TRPM3: variants seen among roughly 807,000 people sequenced by gnomAD.
TRPM3 encodes the protein long transient receptor potential channel 3.
TRPM3 carries 77 observed loss-of-function variants against 181.2 expected under a neutral mutation model. The ratio of observed to expected loss-of-function variants is 0.42; its 90% confidence interval spans 0.35 to 0.51. TRPM3 has a LOEUF of 0.51. TRPM3 is among the 20% of genes least tolerant of loss of function. The pLI is 0.01. For synonymous variants in TRPM3, 745 were observed against 796.4 expected, an observed-to-expected ratio of 0.94 and a Z score of 1.09; for missense variants, 1,759 against 2,196.7, an observed-to-expected ratio of 0.80 and a Z score of 3.98.
At position 70,634,117 on chromosome 9, in the gene TRPM3, A is replaced by G. The variant is rs188386326; in HGVS notation, c.1632+1094T>C. Among the ~76,000 whole-genome samples, 1,104 of 152,282 alleles carry G rather than the reference A, an allele frequency of 7.2e-3. 8 individuals are homozygous for G. The highest frequency in any genetic ancestry group is 0.012 in the Non-Finnish European group (819 of 68,024). ...AATAAAACTGTATTATAATAATAAAATAATAATTTTTTGATGGAATCTCAC... is the reference window on the plus strand; with the variant it reads ...AATAAAACTGTATTATAATAATAAAGTAATAATTTTTTGATGGAATCTCAC... On this transcript the variant is annotated intron_variant, in intron 12 of 25. Coordinates refer to ENST00000677713, the MANE Select transcript of TRPM3 (RefSeq NM_001366145.2).
At chr9:71,292,709 T>C (rs11142786) in intron 1 of TRPM3, among the ~76,000 whole-genome samples, 34,055 of 151,692 alleles carry the variant, frequency 0.22, 4,433 homozygotes, top group African/African-American at 0.37. Flanking sequence ...GCAAGTTCTA[T>C]GAACCTTCAA....
intron 1 of TRPM3, among the ~76,000 whole-genome samples, chr9:71,409,699 C>G (rs1019715418): frequency 6.6e-6 from 1 of 152,094 alleles, no homozygotes; most frequent in Non-Finnish European, 1.5e-5. Flanking sequence ...AACAGATCAA[C>G]GAGACAGAAG....
chr9:70,966,188 A>G (rs2097183891), intron 1 of TRPM3, among the ~76,000 whole-genome samples: 1 of 152,118 alleles, frequency 6.6e-6, no homozygotes, highest in African/African-American at 2.4e-5. Flanking sequence ...CAAAACCACA[A>G]TGAGATACCA....
intron 22 of TRPM3, among the ~76,000 whole-genome samples, chr9:70,588,312 A>C (rs2057498839): frequency 6.6e-6 from 1 of 152,170 alleles, no homozygotes; most frequent in African/African-American, 2.4e-5. Flanking sequence ...ATTGCCTCCC[A>C]GAAGTGAGGG....
intron 1 of TRPM3, among the ~76,000 whole-genome samples, chr9:71,021,574 C>T (rs1291235079): frequency 6.6e-6 from 1 of 152,158 alleles, no homozygotes; most frequent in Non-Finnish European, 1.5e-5. Context: ...CTAGTAATGT[C>T]TATTGACCTT....
intron 1 of TRPM3, among the ~76,000 whole-genome samples, chr9:70,936,514 C>A (rs2096829915): frequency 6.6e-6 from 1 of 152,152 alleles, no homozygotes. Flanking sequence ...GGCAGAAGAG[C>A]AATCGATTTA....
In TRPM3 at chr9:70,536,280, C is replaced by T. The variant is rs566635664; in HGVS notation, c.4833G>A (p.Glu1611=). 2 of 1,614,202 alleles carry T rather than the reference C, an allele frequency of 1.2e-6. No individual in the cohort carries two copies. Among genetic ancestry groups the T allele is most frequent in the African/African-American group, 1.3e-5 (1 of 75,062 alleles). Residue 1611 remains glutamate, a synonymous_variant, in exon 26 of 26, where the codon GAG becomes GAA. Coordinates refer to ENST00000677713, the MANE Select transcript of TRPM3 (RefSeq NM_001366145.2). The stretch of plus-strand genomic sequence containing the variant: ...TGGCTCTGCGGCCTTTGGCCTCATT[C>T]TCCTCACTGTCAGAGCTGGGGTGAC... ...ELSHPSSDSE[E]NEAKGRRATI... is the part of the protein sequence containing the mutation.
At chr9:71,312,594 C>G (rs1328766186) in intron 1 of TRPM3, among the ~76,000 whole-genome samples, 3 of 152,110 alleles carry the variant, frequency 2.0e-5, no homozygotes. Context: ...AAGAAACACC[C>G]TGCACATGGA....
intron 1 of TRPM3, among the ~76,000 whole-genome samples, chr9:70,937,772 G>A (rs1327045001): frequency 6.6e-6 from 1 of 151,040 alleles, no homozygotes; most frequent in Non-Finnish European, 1.5e-5. Flanking sequence ...CCTGGGGCCA[G>A]AGAGCTCTAG....
intron 19 of TRPM3, among the ~76,000 whole-genome samples, chr9:70,607,543 C>G (rs2061373124): frequency 6.6e-6 from 1 of 152,174 alleles, no homozygotes; most frequent in South Asian, 2.1e-4. Flanking sequence ...CCACCACCCC[C>G]CGCCAAAGAG....
At chr9:71,071,087 G>C (rs142643384) in intron 1 of TRPM3, among the ~76,000 whole-genome samples, 1 of 152,230 alleles carries the variant, frequency 6.6e-6, no homozygotes, top group African/African-American at 2.4e-5. Context: ...AGTCTTCAGG[G>C]GTGATGAGTC....
At chr9:71,008,546 A>G (rs903848995) in intron 1 of TRPM3, among the ~76,000 whole-genome samples, 1 of 152,152 alleles carries the variant, frequency 6.6e-6, no homozygotes, top group African/African-American at 2.4e-5. Flanking sequence ...AACAACACAT[A>G]AAAAGATCAT....
In TRPM3 at chr9:70,644,411, A is replaced by C. The variant is rs117084141; in HGVS notation, c.1346-3751T>G. ...ATCTGCTGGCCCGGCTGCCCTCCTG[A>C]AATGAGGGCTGAATATGGAGTCATT... On this transcript the variant is annotated intron_variant, in intron 9 of 25. Coordinates refer to ENST00000677713, the MANE Select transcript of TRPM3 (RefSeq NM_001366145.2). Among the ~76,000 whole-genome samples, 578 of 152,290 alleles carry C rather than the reference A, an allele frequency of 3.8e-3. 1 individual carries two copies. The highest frequency in any genetic ancestry group is 6.1e-3 in the Non-Finnish European group (413 of 68,014).
Position 70,535,907 on chromosome 9 carries a change from T to A in TRPM3, c.*46A>T, listed in dbSNP as rs766177145. 2.0e-6 allele frequency: 3 copies of A among 1,531,328 alleles called. No individual in the cohort carries two copies. Among genetic ancestry groups the A allele is most frequent in the South Asian group, 2.6e-5 (2 of 76,364 alleles). 94.9% of individuals were successfully genotyped at this position (1,531,328 alleles called of 1,614,324 possible). On this transcript the variant is annotated 3_prime_UTR_variant, in exon 26 of 26. Coordinates refer to ENST00000677713, the MANE Select transcript of TRPM3 (RefSeq NM_001366145.2). ...GGGAAAAACTGGAGTTGGAGAGAAT[T>A]TTAGGGCTGGATTCTTGAGCCTTCT... is the stretch of plus-strand genomic sequence containing the variant.
At chr9:71,204,001 C>T (rs1005455388) in intron 1 of TRPM3, among the ~76,000 whole-genome samples, 1 of 152,012 alleles carries the variant, frequency 6.6e-6, no homozygotes, top group Admixed American at 6.6e-5. Flanking sequence ...GGAAAACTGG[C>T]TAGCCATATG....
chr9:71,152,086 T>G (rs1263654559), intron 1 of TRPM3, among the ~76,000 whole-genome samples: 1 of 152,174 alleles, frequency 6.6e-6, no homozygotes, highest in Non-Finnish European at 1.5e-5. Context: ...TCTGGACATA[T>G]GTTATAAATA....
chr9:71,032,072 TTATATTATATATATATA>T lies in TRPM3; in HGVS notation c.177+89089_177+89105del, dbSNP rs1565024440. On this transcript the variant is annotated intron_variant, in intron 1 of 25. Transcript: ENST00000677713. ...TATTATATATATTATATATATTATA[TTATATTATATATATATA>T]ATTATATAATATTATATATATTATA... 1.1e-3 allele frequency among the ~76,000 whole-genome samples: 11 copies of T among 9,766 alleles called. 2 individuals carry two copies. The highest frequency in any genetic ancestry group is 5.5e-3 in the Admixed American group (2 of 362). 6.4% of individuals were successfully genotyped at this position (9,766 alleles called of 152,430 possible). A position where few individuals can be genotyped will look rare whatever the true frequency, so the allele number is the denominator to read the frequency against.
chr9:70,949,207 CT>C (rs112588417), intron 1 of TRPM3, among the ~76,000 whole-genome samples: 66,814 of 150,224 alleles, frequency 0.44, 14,950 homozygotes, highest in Admixed American at 0.48. Context: ...GAACAGTAGT[CT>C]TTTTTTTTTA....
intron 1 of TRPM3, among the ~76,000 whole-genome samples, chr9:71,319,102 T>C (rs1474740376): frequency 6.6e-6 from 1 of 152,158 alleles, no homozygotes; most frequent in Non-Finnish European, 1.5e-5. Context: ...AATTATTTTA[T>C]TCATATAAGG....
Sources: allele counts gnomAD v4.1 joint callset (sites outside exome capture counted in the v4.1 genomes callset), GRCh38; gene constraint gnomAD v4.1.1; transcripts MANE v1.5; gene names NCBI Gene and HGNC (gene_info 2026-07-23, HGNC 2026-07-21).